CADM1: variants seen among roughly 807,000 people sequenced by gnomAD.
The protein encoded by CADM1 is TSLC-1.
A neutral mutation model predicts 53.1 loss-of-function variants in CADM1; 15 were observed. That is an observed-to-expected ratio of 0.28 (90% CI 0.19 to 0.44). CADM1 has a LOEUF of 0.44. Among genes scored for constraint, CADM1 ranks in the 20% least tolerant of loss-of-function variants. The pLI is 1.00. For synonymous variants in CADM1, 281 were observed against 243.0 expected, an observed-to-expected ratio of 1.16 and a Z score of -1.45; for missense variants, 434 against 611.3, an observed-to-expected ratio of 0.71 and a Z score of 3.06.
At chr11:115,435,342 G>A (rs1196069301) in intron 1 of CADM1, among the ~76,000 whole-genome samples, 1 of 152,074 alleles carries the variant, frequency 6.6e-6, no homozygotes, top group Admixed American at 6.6e-5. Context: ...GCTAGGAATG[G>A]TTTTCACATT....
intron 1 of CADM1, among the ~76,000 whole-genome samples, chr11:115,338,926 G>T (rs1170740304): frequency 2.3e-5 from 3 of 131,806 alleles, no homozygotes; most frequent in African/African-American, 2.9e-5. Flanking sequence ...CTAAGTTTTA[G>T]GGTACATGTG....
chr11:115,381,839 T>C (rs947507846), intron 1 of CADM1, among the ~76,000 whole-genome samples: 6 of 152,216 alleles, frequency 3.9e-5, no homozygotes, highest in Admixed American at 3.9e-4. Flanking sequence ...AATCTATAAG[T>C]TCTAATAATA....
intron 1 of CADM1, among the ~76,000 whole-genome samples, chr11:115,290,611 C>T (rs1943865445): frequency 6.6e-6 from 1 of 151,990 alleles, no homozygotes; most frequent in African/African-American, 2.4e-5. Context: ...CACAGAAGCC[C>T]CAATAAAACA....
chr11:115,226,555 A>G (rs948255353), intron 5 of CADM1, among the ~76,000 whole-genome samples: 3 of 152,148 alleles, frequency 2.0e-5, no homozygotes, highest in African/African-American at 7.2e-5. Flanking sequence ...AAATAATTCA[A>G]CCTCCATGCA....
At chr11:115,304,920 T>C (rs1423648029) in intron 1 of CADM1, among the ~76,000 whole-genome samples, 1 of 152,002 alleles carries the variant, frequency 6.6e-6, no homozygotes, top group Non-Finnish European at 1.5e-5. Flanking sequence ...GGAATCATTA[T>C]GTAAACAATG....
intron 1 of CADM1, among the ~76,000 whole-genome samples, chr11:115,422,575 T>G (rs1285313257): frequency 6.6e-6 from 1 of 152,230 alleles, no homozygotes; most frequent in Non-Finnish European, 1.5e-5. Flanking sequence ...AAGTCAGTTG[T>G]AGAAGCTGAA....
At chr11:115,385,870 G>A (rs1946688270) in intron 1 of CADM1, among the ~76,000 whole-genome samples, 1 of 152,172 alleles carries the variant, frequency 6.6e-6, no homozygotes, top group African/African-American at 2.4e-5. Context: ...AAAAATAGAA[G>A]CAAAGCTTGC....
chr11:115,310,019 C>A (rs7949084), intron 1 of CADM1, among the ~76,000 whole-genome samples: 102,477 of 151,992 alleles, frequency 0.67, 36,221 homozygotes, highest in African/African-American at 0.88. Flanking sequence ...CTAAAAATAC[C>A]AACTTTGGCA....
intron 6 of CADM1, 142 bp downstream of exon 6, chr11:115,217,750 T>C: frequency 1.4e-6 from 1 of 708,580 alleles, no homozygotes; most frequent in South Asian, 1.5e-5. Flanking sequence ...CCACTCTCAC[T>C]GAATATTCTT....
intron 1 of CADM1, among the ~76,000 whole-genome samples, chr11:115,366,334 G>T (rs998276346): frequency 2.6e-5 from 4 of 152,202 alleles, no homozygotes; most frequent in African/African-American, 9.6e-5. Flanking sequence ...CTCTGGCTAA[G>T]ATTCTGACAT....
At chr11:115,462,468 A>AC (rs1362874619) in intron 1 of CADM1, among the ~76,000 whole-genome samples, 3 of 152,272 alleles carry the variant, frequency 2.0e-5, no homozygotes, top group African/African-American at 7.2e-5. Context: ...CTTGCAGGCC[A>AC]CCGTGACCTG....
Position 115,253,754 on chromosome 11 carries a change from C to T in CADM1, c.125-13334G>A, listed in dbSNP as rs146859563. ...TGTCCTGTAGGATTGAGCTCAAAGC[C>T]ATCAGCTTTCTCCATGAAGAGAGCT... On this transcript the variant is annotated intron_variant, in intron 1 of 11. Transcript: ENST00000331581. Among the ~76,000 whole-genome samples the T allele has an allele frequency of 3.3e-5, 5 of 152,288 alleles. No homozygotes were observed. The East Asian group carries it at 9.6e-4, about 29-fold the overall frequency.
intron 1 of CADM1, among the ~76,000 whole-genome samples, chr11:115,317,253 C>T (rs1944690859): frequency 6.6e-6 from 1 of 152,086 alleles, no homozygotes; most frequent in African/African-American, 2.4e-5. Flanking sequence ...TGCAAAAATC[C>T]AACCGTGGAC....
At chr11:115,442,839 C>G (rs1050572308) in intron 1 of CADM1, among the ~76,000 whole-genome samples, 5 of 152,176 alleles carry the variant, frequency 3.3e-5, no homozygotes, top group African/African-American at 1.2e-4. Context: ...GTCCACCACC[C>G]CTGAGGACAA....
Position 115,223,958 on chromosome 11 carries a change from TA to T in CADM1, c.721+5154del, listed in dbSNP as rs71848250. On this transcript the variant is annotated intron_variant, in intron 5 of 11. Coordinates refer to ENST00000331581, the MANE Select transcript of CADM1 (RefSeq NM_001301043.2). ...AGTGGGAGGAAGAGCGTATTCCGTT[TA>T]AAAAAAAAAAAAAAAGAGAGAGAGA... Among the ~76,000 whole-genome samples the T allele has an allele frequency of 2.8e-3, 300 of 106,792 alleles. 3 individuals are homozygous for T. The highest frequency in any genetic ancestry group is 4.9e-3 in the Middle Eastern group (1 of 204). 70.1% of individuals were successfully genotyped at this position (106,792 alleles called of 152,430 possible).
chr11:115,338,621 C>A (rs543785345), intron 1 of CADM1, among the ~76,000 whole-genome samples: 43 of 152,248 alleles, frequency 2.8e-4, no homozygotes, highest in Admixed American at 2.0e-3. Context: ...GATGCTCACA[C>A]GTAGGAAGCA....
intron 1 of CADM1, chr11:115,339,866 T>C (rs923314925): frequency 5.9e-5 from 9 of 152,126 alleles, no homozygotes; most frequent in African/African-American, 1.9e-4. Context: ...TTCAATTCAC[T>C]ACCTCTCATG....
intron 10 of CADM1, among the ~76,000 whole-genome samples, chr11:115,185,445 G>T (rs1256386372): frequency 1.3e-5 from 2 of 152,230 alleles, no homozygotes; most frequent in Non-Finnish European, 2.9e-5. Flanking sequence ...GGTGAAGGCC[G>T]TCTGATTCAG....
intron 11 of CADM1, among the ~76,000 whole-genome samples, chr11:115,176,865 C>A (rs961321070): frequency 1.3e-5 from 2 of 152,110 alleles, no homozygotes; most frequent in Non-Finnish European, 2.9e-5. Flanking sequence ...CAGAAGAAGA[C>A]GTGAGTGGGA....
Sources: allele counts gnomAD v4.1 joint callset (sites outside exome capture counted in the v4.1 genomes callset), GRCh38; gene constraint gnomAD v4.1.1; transcripts MANE v1.5; gene names NCBI Gene and HGNC (gene_info 2026-07-23, HGNC 2026-07-21).